Variants in ARSG observed in about 807,000 individuals in gnomAD.
ARSG encodes the protein ASG.
A neutral mutation model predicts 50.5 loss-of-function variants in ARSG; 37 were observed. The observed-to-expected ratio is 0.73, with a 90% CI of 0.56 to 0.96. ARSG has a LOEUF of 0.96. ARSG is among the 50% of genes least tolerant of loss of function. The pLI is 0.00. For missense variants in ARSG, 629 were observed against 675.3 expected, an observed-to-expected ratio of 0.93 and a Z score of 0.76; for synonymous variants, 225 against 254.6, an observed-to-expected ratio of 0.88 and a Z score of 1.11.
In ARSG at chr17:68,346,331, C is replaced by T. The variant is rs566298037; in HGVS notation, c.407-794C>T. Reference sequence around the variant, plus strand: ...ATGCAGTTGTCTTGAAAAAATAGATCGATAGTTCCTTATTGAGGCCACATC... The same window carrying T: ...ATGCAGTTGTCTTGAAAAAATAGATTGATAGTTCCTTATTGAGGCCACATC... On this transcript the variant is annotated intron_variant, in intron 3 of 11. Coordinates refer to ENST00000621439, the MANE Select transcript of ARSG (RefSeq NM_001267727.2). Among the ~76,000 whole-genome samples the T allele has an allele frequency of 6.6e-5, 10 of 152,174 alleles. No individual in the cohort carries two copies. The East Asian group carries it at 1.3e-3, about 21-fold the overall frequency.
At chr17:68,382,949 A>T (rs2080507890) in intron 8 of ARSG, among the ~76,000 whole-genome samples, 2 of 152,164 alleles carry the variant, frequency 1.3e-5, no homozygotes, top group African/African-American at 4.8e-5. Flanking sequence ...TTAAGTGGCC[A>T]CACTGAGAGG....
chr17:68,352,157 G>GAC (rs1324212835), intron 5 of ARSG, among the ~76,000 whole-genome samples: 11 of 68,932 alleles, frequency 1.6e-4, no homozygotes, highest in African/African-American at 5.1e-4. Context: ...GAGAGAGAGA[G>GAC]AGAGACAGAG....
Position 68,378,576 on chromosome 17 carries a change from C to T in ARSG, c.983-6488C>T, listed in dbSNP as rs1222261592. Among the ~76,000 whole-genome samples the T allele has an allele frequency of 5.9e-5, 9 of 152,120 alleles. No homozygotes were observed. The highest frequency in any genetic ancestry group is 2.1e-4 in the South Asian group (1 of 4,830). ...TGCCTTCTCCCGAAGAAGAAGGGCACGAGTCAGACACCCCTGCTGTCTCTG... is the reference window on the plus strand; with the variant it reads ...TGCCTTCTCCCGAAGAAGAAGGGCATGAGTCAGACACCCCTGCTGTCTCTG... On this transcript the variant is annotated intron_variant, in intron 8 of 11. Transcript: ENST00000621439. The surrounding 1 kb of genome is among the most constrained non-coding windows in gnomAD (Gnocchi z 4.4).
At chr17:68,297,576 T>C (rs2076251368) in intron 1 of ARSG, among the ~76,000 whole-genome samples, 1 of 152,228 alleles carries the variant, frequency 6.6e-6, no homozygotes. Context: ...GCAGGGAGTC[T>C]GGATTTTGCC....
intron 6 of ARSG, 113 bp from the exon 7 acceptor site, chr17:68,368,435 C>T (rs1599909814): frequency 9.7e-6 from 9 of 923,572 alleles, no homozygotes; most frequent in East Asian, 2.4e-5. Context: ...TTCTTGAGCC[C>T]GTGGGGCAGA....
At chr17:68,441,405 A>G in the ARSG span, among the ~76,000 whole-genome samples, 1 of 152,218 alleles carries the variant, frequency 6.6e-6, no homozygotes, top group East Asian at 1.9e-4. Context: ...TGTGCTGAAG[A>G]CAATTAGACG....
chr17:68,271,263 T>C lies in ARSG; in HGVS notation c.-552+11837T>C. On this transcript the variant is annotated intron_variant, in intron 1 of 11. Coordinates refer to the ARSG transcript ENST00000448504. This position sits in a 1 kb window ranked among gnomAD's most constrained non-coding sequence, Gnocchi z 5.3. ...ATCCCAGTGTTGCAAAGAGACCAAA[T>C]AATGCATAACAAATAAAACTTTTCT... The C allele has an allele frequency of 6.2e-7, 1 of 1,614,166 alleles. No homozygotes were observed. The highest frequency in any genetic ancestry group is 1.3e-5 in the African/African-American group (1 of 75,050).
At chr17:68,345,814 T>C (rs1002788461) in intron 3 of ARSG, among the ~76,000 whole-genome samples, 1 of 152,230 alleles carries the variant, frequency 6.6e-6, no homozygotes, top group Non-Finnish European at 1.5e-5. Flanking sequence ...TTTAATATAA[T>C]GTCATGTTCT....
At chr17:68,371,059 G>T (rs190487964) in intron 8 of ARSG, among the ~76,000 whole-genome samples, 1 of 152,154 alleles carries the variant, frequency 6.6e-6, no homozygotes, top group African/African-American at 2.4e-5. Flanking sequence ...GGTGGCTCAC[G>T]CCTGTAATCC....
intron 1 of ARSG, among the ~76,000 whole-genome samples, chr17:68,265,362 T>C (rs1314728260): frequency 6.7e-6 from 1 of 149,564 alleles, no homozygotes; most frequent in African/African-American, 2.5e-5. Context: ...GGTGTGGTGG[T>C]GCACGCCTGT....
intron 1 of ARSG, among the ~76,000 whole-genome samples, chr17:68,263,982 C>T (rs1353505185): frequency 2.0e-5 from 3 of 152,016 alleles, no homozygotes; most frequent in East Asian, 1.9e-4. Flanking sequence ...CTCAGCCCCC[C>T]GAGTAGCTGG....
chr17:68,349,778 G>A (rs1260974833), intron 4 of ARSG, among the ~76,000 whole-genome samples: 2 of 152,122 alleles, frequency 1.3e-5, no homozygotes, highest in African/African-American at 4.8e-5. Context: ...AGCTACTCGG[G>A]AGGCTGAAGC....
chr17:68,276,240 C>T (rs2075515824), intron 1 of ARSG, among the ~76,000 whole-genome samples: 1 of 150,720 alleles, frequency 6.6e-6, no homozygotes, highest in African/African-American at 2.4e-5. Context: ...ATTACAGGTG[C>T]CCACCACCAC....
chr17:68,425,096 G>C (rs576626713), downstream of ARSG, among the ~76,000 whole-genome samples: 1 of 152,180 alleles, frequency 6.6e-6, no homozygotes. Flanking sequence ...AGCCAGCCCC[G>C]AGGGCCCTAG....
chr17:68,356,039 G>A (rs1346751119), intron 5 of ARSG, among the ~76,000 whole-genome samples: 1 of 151,904 alleles, frequency 6.6e-6, no homozygotes. Flanking sequence ...GCACTGCCAT[G>A]CCCAGCTAAT....
intron 2 of ARSG, among the ~76,000 whole-genome samples, chr17:68,312,822 C>T (rs979038715): frequency 1.3e-4 from 20 of 152,298 alleles, no homozygotes; most frequent in African/African-American, 4.8e-4. Context: ...CAGACACGAA[C>T]TCTTATTGCC....
chr17:68,439,592 C>G, the ARSG span, among the ~76,000 whole-genome samples: 3 of 152,162 alleles, frequency 2.0e-5, no homozygotes, highest in Non-Finnish European at 4.4e-5. Context: ...GCTATTGAAC[C>G]ATGCATTTTA....
At chr17:68,362,779 G>C (rs1398077031) in intron 6 of ARSG, among the ~76,000 whole-genome samples, 2 of 152,134 alleles carry the variant, frequency 1.3e-5, no homozygotes, top group Non-Finnish European at 2.9e-5. Context: ...GGGATGCGCT[G>C]CCTATACTAA....
chr17:68,294,002 C>T (rs1194969829), intron 1 of ARSG, among the ~76,000 whole-genome samples: 3 of 152,164 alleles, frequency 2.0e-5, no homozygotes, highest in Non-Finnish European at 2.9e-5. Context: ...TGCTAATCAA[C>T]GCCCCCTTGC....
Sources: allele counts gnomAD v4.1 joint callset (sites outside exome capture counted in the v4.1 genomes callset), GRCh38; gene constraint gnomAD v4.1.1; non-coding constraint Gnocchi (gnomAD v3.1); transcripts MANE v1.5; gene names NCBI Gene and HGNC (gene_info 2026-07-23, HGNC 2026-07-21).